MYO1D: variants seen among roughly 807,000 people sequenced by gnomAD.
MYO1D encodes the protein myosin ID.
A neutral mutation model predicts 122.0 loss-of-function variants in MYO1D; 83 were observed. The observed-to-expected ratio is 0.68, with a 90% CI of 0.57 to 0.82. The LOEUF (loss-of-function observed/expected upper bound fraction) is 0.82, where lower values mean the gene tolerates loss of function less well. Among genes scored for constraint, MYO1D ranks in the 40% least tolerant of loss-of-function variants. MYO1D has a pLI of 0.00. For synonymous variants in MYO1D, 464 were observed against 446.9 expected (o/e 1.04, Z -0.48); for missense variants, 1,157 against 1,269.5 (o/e 0.91, Z 1.35).
intron 14 of MYO1D, among the ~76,000 whole-genome samples, chr17:32,728,774 T>C (rs1290972946): frequency 6.6e-6 from 1 of 152,218 alleles, no homozygotes; most frequent in Non-Finnish European, 1.5e-5. Context: ...CAACGCAATC[T>C]TATAAGGCAT....
At chr17:32,847,391 C>T (rs1048675242) in intron 1 of MYO1D, among the ~76,000 whole-genome samples, 10 of 152,142 alleles carry the variant, frequency 6.6e-5, no homozygotes, top group African/African-American at 2.2e-4. Flanking sequence ...AATCACTGGC[C>T]CTAAGCAGAA....
In MYO1D at chr17:32,718,571, C is replaced by T. The variant is rs541508378; in HGVS notation, c.1913+2452G>A. Among the ~76,000 whole-genome samples the T allele has an allele frequency of 4.8e-3, 731 of 152,118 alleles. 3 individuals are homozygous for T. Among genetic ancestry groups the T allele is most frequent in the South Asian group, 9.8e-3 (47 of 4,808 alleles). The stretch of plus-strand genomic sequence containing the variant: ...AAAAAATTAGCTGGGTGTGGTGACG[C>T]GCCCCTGTAATCCCAGCTATTTGGG... On this transcript the variant is annotated intron_variant, in intron 15 of 21. Transcript: ENST00000318217.
intron 21 of MYO1D, among the ~76,000 whole-genome samples, chr17:32,604,105 C>CA (rs1025531076): frequency 6.6e-6 from 1 of 150,488 alleles, no homozygotes; most frequent in Non-Finnish European, 1.5e-5. Context: ...ATTTATCAGC[C>CA]AAAATGAATA....
chr17:32,649,893 A>G (rs1029029558), intron 19 of MYO1D, among the ~76,000 whole-genome samples: 12 of 152,064 alleles, frequency 7.9e-5, no homozygotes, highest in African/African-American at 2.9e-4. Context: ...TTCTTAATTC[A>G]TTCATCCATC....
intron 1 of MYO1D, among the ~76,000 whole-genome samples, chr17:32,872,991 C>T (rs982284222): frequency 2.6e-5 from 4 of 152,178 alleles, no homozygotes; most frequent in African/African-American, 4.8e-5. Context: ...CCACCGCGCC[C>T]GGCCTAGGTC....
chr17:32,517,040 T>A (rs1160836719), intron 21 of MYO1D, among the ~76,000 whole-genome samples: 1 of 152,196 alleles, frequency 6.6e-6, no homozygotes, highest in Non-Finnish European at 1.5e-5. Flanking sequence ...ACGACACCAC[T>A]GCTTTCTAAA....
At chr17:32,609,817 C>G (rs571715333) in intron 20 of MYO1D, among the ~76,000 whole-genome samples, 1 of 152,114 alleles carries the variant, frequency 6.6e-6, no homozygotes, top group Non-Finnish European at 1.5e-5. Context: ...CATTCACCAA[C>G]CAATGTGGAT....
At chr17:32,615,309 C>T (rs766132195) in intron 20 of MYO1D, among the ~76,000 whole-genome samples, 1 of 152,112 alleles carries the variant, frequency 6.6e-6, no homozygotes, top group Non-Finnish European at 1.5e-5. Context: ...AAGACTACTT[C>T]GAGCCAGAGG....
At chr17:32,876,459 C>T (rs1276220942) in intron 1 of MYO1D, among the ~76,000 whole-genome samples, 2 of 152,172 alleles carry the variant, frequency 1.3e-5, no homozygotes, top group East Asian at 3.9e-4. Context: ...CCTCACCTGG[C>T]GCGGGGAAGC....
chr17:32,692,275 C>G (rs1321814331), intron 16 of MYO1D, among the ~76,000 whole-genome samples: 5 of 152,180 alleles, frequency 3.3e-5, no homozygotes, highest in Non-Finnish European at 7.3e-5. Flanking sequence ...TTTTGATACA[C>G]TTAGATCTCT....
At chr17:32,845,101 G>A (rs912074527) in intron 1 of MYO1D, among the ~76,000 whole-genome samples, 5 of 151,264 alleles carry the variant, frequency 3.3e-5, no homozygotes, top group African/African-American at 1.2e-4. Context: ...TATTCTGGGT[G>A]GTGAGATTTT....
At position 32,583,248 on chromosome 17, in the gene MYO1D, G is replaced by A. The variant is rs114966141; in HGVS notation, c.2864+21839C>T. Among the ~76,000 whole-genome samples the A allele has an allele frequency of 8.5e-3, 1,299 of 152,218 alleles. 20 individuals carry two copies. Among genetic ancestry groups the A allele is most frequent in the African/African-American group, 0.029 (1,217 of 41,522 alleles). ...CATTGTTTCCAACGAGAAATCCTCTGTCATCTTATCCTTATTCCTCTGTAT... is the reference window on the plus strand; with the variant it reads ...CATTGTTTCCAACGAGAAATCCTCTATCATCTTATCCTTATTCCTCTGTAT... On this transcript the variant is annotated intron_variant, in intron 21 of 21. Coordinates refer to ENST00000318217, the MANE Select transcript of MYO1D (RefSeq NM_015194.3).
intron 16 of MYO1D, among the ~76,000 whole-genome samples, chr17:32,671,831 T>C (rs1289712624): frequency 6.6e-6 from 1 of 152,228 alleles, no homozygotes; most frequent in Non-Finnish European, 1.5e-5. Context: ...TCGGGCCATA[T>C]TGGAGCCTGA....
intron 16 of MYO1D, among the ~76,000 whole-genome samples, chr17:32,660,322 T>A (rs1022358477): frequency 1.3e-5 from 2 of 152,208 alleles, no homozygotes; most frequent in Admixed American, 6.5e-5. Flanking sequence ...GTCCCTGGCC[T>A]TTCAGAGCCA....
At chr17:32,679,673 G>C (rs1427696125) in intron 16 of MYO1D, among the ~76,000 whole-genome samples, 2 of 152,100 alleles carry the variant, frequency 1.3e-5, no homozygotes, top group South Asian at 2.1e-4. Context: ...CCTTGTAGTA[G>C]AGTTTGAAGT....
intron 15 of MYO1D, among the ~76,000 whole-genome samples, chr17:32,716,251 T>A (rs753404766): frequency 1.3e-5 from 2 of 152,238 alleles, no homozygotes; most frequent in African/African-American, 2.4e-5. Flanking sequence ...AGTCTTTTCT[T>A]GATCTTTGTA....
chr17:32,714,848 C>T (rs889076455), intron 15 of MYO1D, among the ~76,000 whole-genome samples: 10 of 151,876 alleles, frequency 6.6e-5, no homozygotes, highest in East Asian at 1.9e-4. Context: ...ACACAACAAA[C>T]GAAATTATCA....
intron 20 of MYO1D, among the ~76,000 whole-genome samples, chr17:32,626,662 A>G (rs1013226545): frequency 1.3e-5 from 2 of 152,172 alleles, no homozygotes; most frequent in Admixed American, 1.3e-4. Flanking sequence ...AAAAAAAGAA[A>G]GCAGTTTGCT....
chr17:32,605,925 CA>C (rs113378300), intron 20 of MYO1D, among the ~76,000 whole-genome samples: 139 of 142,290 alleles, frequency 9.8e-4, no homozygotes, highest in African/African-American at 1.6e-3. Flanking sequence ...TACTGAAATA[CA>C]AAAAAAAAAA....
Sources: gnomAD v4.1 joint callset for allele counts (sites outside exome capture counted in the v4.1 genomes callset) on GRCh38, gnomAD v4.1.1 for gene constraint, MANE v1.5 for transcripts, NCBI Gene and HGNC (gene_info 2026-07-23, HGNC 2026-07-21) for gene names.